The following EML6 variants were observed in gnomAD, a reference collection of about 807,000 sequenced individuals.
EML6 encodes the protein echinoderm microtubule-associated protein-like 6.
In EML6, 154 loss-of-function variants were observed where a neutral mutation model predicts 240.1. The observed-to-expected ratio is 0.64, with a 90% CI of 0.56 to 0.73. The LOEUF (loss-of-function observed/expected upper bound fraction) is 0.73, where lower values mean the gene tolerates loss of function less well. EML6 is among the 30% of genes least tolerant of loss of function. The pLI is 0.00. For missense variants in EML6, 2,964 were observed against 2,474.6 expected (o/e 1.20, Z -4.20); for synonymous variants, 1,148 against 899.0 (o/e 1.28, Z -4.95).
At chr2:54,943,780 TA>T (rs1184945533) in intron 28 of EML6, among the ~76,000 whole-genome samples, 3 of 152,228 alleles carry the variant, frequency 2.0e-5, no homozygotes, top group Non-Finnish European at 4.4e-5. Context: ...CTCGATATAT[TA>T]AAAAATATTT....
chr2:54,938,171 C>G (rs907698593), intron 28 of EML6, among the ~76,000 whole-genome samples: 4 of 152,156 alleles, frequency 2.6e-5, no homozygotes, highest in Admixed American at 2.6e-4. Context: ...CATGGCAAAA[C>G]TTTGTCTCTA....
At chr2:54,871,473 TTAA>T in intron 15 of EML6, 24 bp from the exon 16 acceptor site, 1 of 1,493,232 alleles carries the variant, frequency 6.7e-7, no homozygotes, top group African/African-American at 1.4e-5. Context: ...GTGTTAGTAG[TTAA>T]TAACAGTCAT....
At chr2:54,783,986 T>A (rs1668964431) in intron 2 of EML6, among the ~76,000 whole-genome samples, 1 of 152,198 alleles carries the variant, frequency 6.6e-6, no homozygotes, top group African/African-American at 2.4e-5. Context: ...TCTTGTGGTA[T>A]TGCCCAGGCT....
chr2:54,953,435 C>G (rs1014845449), intron 31 of EML6, among the ~76,000 whole-genome samples: 1 of 152,164 alleles, frequency 6.6e-6, no homozygotes, highest in African/African-American at 2.4e-5. Flanking sequence ...TCACCAGTTT[C>G]CTTCGTATAA....
At chr2:54,879,348 T>A (rs1175657296) in intron 16 of EML6, among the ~76,000 whole-genome samples, 199 bp from the exon 17 acceptor site, 1 of 152,228 alleles carries the variant, frequency 6.6e-6, no homozygotes, top group Non-Finnish European at 1.5e-5. Flanking sequence ...TATTAAAATA[T>A]AATTGTACAT....
chr2:54,885,279 C>G, intron 17 of EML6, among the ~76,000 whole-genome samples: 1 of 151,970 alleles, frequency 6.6e-6, no homozygotes, highest in East Asian at 1.9e-4. Context: ...ACCACCATCT[C>G]TACTAAAAAT....
intron 24 of EML6, among the ~76,000 whole-genome samples, chr2:54,905,319 C>T (rs977778110): frequency 1.8e-5 from 2 of 112,958 alleles, no homozygotes; most frequent in Non-Finnish European, 3.6e-5. Context: ...TATTTAGAAT[C>T]CGACACACAC....
At chr2:54,960,723 A>G (rs952726036) in intron 35 of EML6, among the ~76,000 whole-genome samples, 2 of 152,188 alleles carry the variant, frequency 1.3e-5, no homozygotes, top group Admixed American at 1.3e-4. Context: ...CCTAAGCTAT[A>G]GGGCCAGTAA....
At chr2:54,772,789 G>T (rs1668451717) in intron 2 of EML6, among the ~76,000 whole-genome samples, 1 of 152,226 alleles carries the variant, frequency 6.6e-6, no homozygotes, top group African/African-American at 2.4e-5. Flanking sequence ...TTCTCCCACA[G>T]AACACTGCCT....
chr2:54,851,927 C>T (rs1476676035), intron 10 of EML6, among the ~76,000 whole-genome samples: 5 of 152,094 alleles, frequency 3.3e-5, no homozygotes, highest in Non-Finnish European at 4.4e-5. Context: ...CAGGGATAGT[C>T]GGCTACATTA....
chr2:54,934,913 A>G (rs190597996), intron 28 of EML6, among the ~76,000 whole-genome samples: 6 of 152,372 alleles, frequency 3.9e-5, no homozygotes, highest in Admixed American at 3.3e-4. Context: ...AGATATATCA[A>G]TTAAACAAAT....
At chr2:54,906,345 G>A (rs561941209) in intron 24 of EML6, among the ~76,000 whole-genome samples, 2 of 152,200 alleles carry the variant, frequency 1.3e-5, no homozygotes, top group Non-Finnish European at 2.9e-5. Context: ...GTAAGTCCCA[G>A]ATAGAAAGCA....
chr2:54,905,038 C>G (rs938202847), intron 24 of EML6, among the ~76,000 whole-genome samples: 1 of 152,124 alleles, frequency 6.6e-6, no homozygotes, highest in African/African-American at 2.4e-5. Flanking sequence ...ATAAAAGGTA[C>G]AAGTCCCAAC....
At chr2:54,726,089 A>G (rs1682895440) in intron 2 of EML6, among the ~76,000 whole-genome samples, 1 of 152,204 alleles carries the variant, frequency 6.6e-6, no homozygotes, top group South Asian at 2.1e-4. Flanking sequence ...GTCAGCTTTT[A>G]TGTGAGCAAA....
intron 2 of EML6, among the ~76,000 whole-genome samples, chr2:54,801,335 G>A (rs1465636281): frequency 2.1e-5 from 3 of 143,948 alleles, no homozygotes; most frequent in Admixed American, 1.4e-4. Context: ...AAAAAAAAAA[G>A]GTTTCTCATT....
At position 54,829,397 on chromosome 2, in the gene EML6, A is replaced by G; in HGVS notation, c.767A>G (p.Asp256Gly). 6.4e-7 allele frequency: 1 copy of G among 1,550,894 alleles called. No homozygotes were observed. The highest frequency in any genetic ancestry group is 1.2e-5 in the South Asian group (1 of 84,034). ...GAAGGCTTTGCCACTGGTGGGCGAGATGGGTGTATACGACTGTGGGACACT... is the reference window on the plus strand; with the variant it reads ...GAAGGCTTTGCCACTGGTGGGCGAGGTGGGTGTATACGACTGTGGGACACT... The part of the protein sequence containing the change: ...CEEGFATGGR[D>G]GCIRLWDTDF... Residue 256 changes from aspartate to glycine, a missense_variant, in exon 7 of 42, where the codon GAT becomes GGT. Coordinates refer to ENST00000356458, the MANE Select transcript of EML6 (RefSeq NM_001039753.4).
chr2:54,913,210 T>C (rs527387164), intron 25 of EML6, among the ~76,000 whole-genome samples: 99 of 152,156 alleles, frequency 6.5e-4, no homozygotes, highest in Middle Eastern at 6.8e-3. Context: ...GTATGTCTTC[T>C]TTTGAGACGT....
At chr2:54,763,337 G>A (rs1228373443) in intron 2 of EML6, among the ~76,000 whole-genome samples, 1 of 152,170 alleles carries the variant, frequency 6.6e-6, no homozygotes, top group Non-Finnish European at 1.5e-5. Flanking sequence ...TTTAAATAAA[G>A]TTGGGTTCAC....
chr2:54,817,865 C>T (rs528538364), intron 4 of EML6, among the ~76,000 whole-genome samples: 5 of 121,616 alleles, frequency 4.1e-5, no homozygotes, highest in Non-Finnish European at 6.3e-5. Flanking sequence ...GTAAGGAGAC[C>T]CCACAGATGT....
Sources: gnomAD v4.1 joint callset for allele counts (sites outside exome capture counted in the v4.1 genomes callset) on GRCh38, gnomAD v4.1.1 for gene constraint, MANE v1.5 for transcripts, NCBI Gene and HGNC (gene_info 2026-07-23, HGNC 2026-07-21) for gene names.